The following PDE10A variants were observed in gnomAD, a reference collection of about 807,000 sequenced individuals.
The protein encoded by PDE10A is phosphodiesterase 10A.
In PDE10A, 39 loss-of-function variants were observed where a neutral mutation model predicts 97.7. The observed-to-expected ratio is 0.40, with a 90% CI of 0.31 to 0.52. The LOEUF is 0.52. Ranked by LOEUF, PDE10A falls within the 20% of genes least tolerant of loss-of-function variation. PDE10A has a pLI of 0.56. For synonymous variants in PDE10A, 371 were observed against 376.8 expected, an observed-to-expected ratio of 0.98 and a Z score of 0.18; for missense variants, 731 against 1,047.8, an observed-to-expected ratio of 0.70 and a Z score of 4.17.
At chr6:165,358,355 G>A (rs769987178) in intron 18 of PDE10A, among the ~76,000 whole-genome samples, 2 of 151,822 alleles carry the variant, frequency 1.3e-5, no homozygotes, top group African/African-American at 2.4e-5. Context: ...TTTTTTGTTC[G>A]TTTGTTTTTG....
intron 3 of PDE10A, among the ~76,000 whole-genome samples, chr6:165,471,028 C>G (rs1157472503): frequency 6.6e-6 from 1 of 152,062 alleles, no homozygotes; most frequent in Non-Finnish European, 1.5e-5. Flanking sequence ...CTATTGCTGC[C>G]TACAATTTCT....
At chr6:165,956,084 T>A (rs1784127398) in intron 1 of PDE10A, among the ~76,000 whole-genome samples, 1 of 152,226 alleles carries the variant, frequency 6.6e-6, no homozygotes, top group Admixed American at 6.5e-5. Context: ...AACTTTAAAA[T>A]GTCTGATACT....
intron 18 of PDE10A, among the ~76,000 whole-genome samples, chr6:165,371,009 T>C (rs1446015680): frequency 7.7e-6 from 1 of 130,298 alleles, no homozygotes; most frequent in Non-Finnish European, 1.6e-5. Flanking sequence ...AAGGCAGAAA[T>C]AAAGATGTTC....
intron 1 of PDE10A, among the ~76,000 whole-genome samples, chr6:165,604,157 A>G (rs1163730529): frequency 6.6e-6 from 1 of 152,172 alleles, no homozygotes; most frequent in Non-Finnish European, 1.5e-5. Flanking sequence ...TTATCAGCAA[A>G]TGTATTTTAT....
At chr6:165,749,617 A>G (rs1327288183) in intron 1 of PDE10A, among the ~76,000 whole-genome samples, 3 of 152,218 alleles carry the variant, frequency 2.0e-5, no homozygotes, top group South Asian at 4.1e-4. Context: ...GGCCTCAGAT[A>G]TTTTTCTGTT....
intron 3 of PDE10A, among the ~76,000 whole-genome samples, chr6:165,472,501 C>T (rs1439229798): frequency 6.6e-6 from 1 of 152,058 alleles, no homozygotes; most frequent in Admixed American, 6.6e-5. Context: ...AATTCATCCC[C>T]TGTGCTTTTT....
chr6:165,910,995 C>G (rs771502909), intron 1 of PDE10A: 1 of 152,064 alleles, frequency 6.6e-6, no homozygotes, highest in African/African-American at 2.4e-5. Flanking sequence ...AGCTAACAAT[C>G]TATACTTTTT....
At chr6:165,587,686 T>C (rs1396764969) in intron 1 of PDE10A, among the ~76,000 whole-genome samples, 1 of 152,156 alleles carries the variant, frequency 6.6e-6, no homozygotes, top group Non-Finnish European at 1.5e-5. Flanking sequence ...ATTTACCTGA[T>C]TGATAGGATA....
intron 1 of PDE10A, among the ~76,000 whole-genome samples, chr6:165,985,150 T>C (rs1346106699): frequency 6.6e-6 from 1 of 152,236 alleles, no homozygotes; most frequent in East Asian, 1.9e-4. Flanking sequence ...GCTGCCTACC[T>C]ATCCAGACTC....
rs377003797 is a variant in PDE10A, at chr6:165,911,292, C to T, written c.-615+76237G>A. Among the ~76,000 whole-genome samples, 19 of 152,286 alleles carry T rather than the reference C, an allele frequency of 1.2e-4. No individual in the cohort carries two copies. The East Asian group carries it at 3.3e-3, about 26-fold the overall frequency. On this transcript the variant is annotated intron_variant, in intron 1 of 19. Coordinates refer to the PDE10A transcript ENST00000366882. ...GGAGAACATTAAAAACGATTTATTGCATTGTTCTGTGAATAGTTCCCCAAA... is the reference window on the plus strand; with the variant it reads ...GGAGAACATTAAAAACGATTTATTGTATTGTTCTGTGAATAGTTCCCCAAA...
intron 1 of PDE10A, among the ~76,000 whole-genome samples, chr6:165,629,878 G>T (rs1423884135): frequency 1.5e-5 from 2 of 136,862 alleles, no homozygotes; most frequent in African/African-American, 2.8e-5. Context: ...ATGAATTTTT[G>T]TTTTTTTTTA....
intron 1 of PDE10A, among the ~76,000 whole-genome samples, chr6:165,765,769 C>A (rs531022496): frequency 6.6e-6 from 1 of 152,304 alleles, no homozygotes; most frequent in Admixed American, 6.5e-5. Context: ...CCTCAAGTGC[C>A]GCCAAAGTGG....
At chr6:165,585,808 G>T (rs1029981197) in intron 1 of PDE10A, among the ~76,000 whole-genome samples, 6 of 152,164 alleles carry the variant, frequency 3.9e-5, no homozygotes, top group African/African-American at 1.4e-4. Context: ...AGTAAGAAAA[G>T]AAATTTTATC....
intron 1 of PDE10A, among the ~76,000 whole-genome samples, chr6:165,637,210 G>A (rs1788917793): frequency 6.6e-6 from 1 of 152,158 alleles, no homozygotes; most frequent in Admixed American, 6.5e-5. Context: ...GTGACCCCAG[G>A]ACCGATGCAC....
intron 1 of PDE10A, among the ~76,000 whole-genome samples, chr6:165,590,955 T>C (rs772451200): frequency 2.0e-5 from 3 of 152,114 alleles, no homozygotes; most frequent in Admixed American, 6.5e-5. Flanking sequence ...ATCATAGATA[T>C]GTATGTAATT....
At chr6:165,846,694 G>A (rs4709989) in intron 1 of PDE10A, among the ~76,000 whole-genome samples, 41,649 of 152,130 alleles carry the variant, frequency 0.27, 6,123 homozygotes, top group East Asian at 0.5. Flanking sequence ...GTGGAAGGAG[G>A]AAATATGAGC....
At chr6:165,370,959 C>G in intron 18 of PDE10A, among the ~76,000 whole-genome samples, 1 of 136,354 alleles carries the variant, frequency 7.3e-6, no homozygotes, top group Non-Finnish European at 1.6e-5. Flanking sequence ...GGAAACTGAA[C>G]AACCTGCTCC....
intron 1 of PDE10A, among the ~76,000 whole-genome samples, chr6:165,881,392 CTTTTTTTTTT>C (rs68159417): frequency 1.9e-5 from 2 of 107,028 alleles, no homozygotes; most frequent in Non-Finnish European, 3.6e-5. Flanking sequence ...TTTTTCTTTT[CTTTTTTTTTT>C]TTTTTTTTTT....
At chr6:165,476,194 C>T (rs1257967912) in intron 3 of PDE10A, among the ~76,000 whole-genome samples, 4 of 151,296 alleles carry the variant, frequency 2.6e-5, no homozygotes, top group Admixed American at 6.6e-5. Context: ...ATATCCAAAG[C>T]GTTAGTATTA....
Sources: gnomAD v4.1 joint callset for allele counts (sites outside exome capture counted in the v4.1 genomes callset) on GRCh38, gnomAD v4.1.1 for gene constraint, MANE v1.5 for transcripts, NCBI Gene and HGNC (gene_info 2026-07-23, HGNC 2026-07-21) for gene names.